The following DCC variants were observed in gnomAD, a reference collection of about 807,000 sequenced individuals.
DCC encodes the protein DCC netrin 1 receptor.
In DCC, 58 loss-of-function variants were observed where a neutral mutation model predicts 172.5. The observed-to-expected ratio is 0.34, with a 90% CI of 0.27 to 0.42. DCC has a LOEUF of 0.42. Ranked by LOEUF, DCC falls within the 10% of genes least tolerant of loss-of-function variation. The pLI is 1.00. For synonymous variants in DCC, 709 were observed against 644.5 expected, an observed-to-expected ratio of 1.10 and a Z score of -1.52; for missense variants, 1,740 against 1,791.0, an observed-to-expected ratio of 0.97 and a Z score of 0.51.
chr18:52,450,528 G>C lies in DCC; in HGVS notation c.91+109650G>C, dbSNP rs144828943. Among the ~76,000 whole-genome samples the C allele has an allele frequency of 8.7e-3, 1,317 of 152,170 alleles. 10 individuals are homozygous for C. The highest frequency in any genetic ancestry group is 0.011 in the Admixed American group (173 of 15,282). ...CCTGTTTTGAACAATAAATTAAGTG[G>C]TTATTCTAGCTTTAGGCTATTTGGG... On this transcript the variant is annotated intron_variant, in intron 1 of 28. Transcript: ENST00000442544.
chr18:52,447,360 C>A (rs1168289012), intron 1 of DCC, among the ~76,000 whole-genome samples: 1 of 152,174 alleles, frequency 6.6e-6, no homozygotes, highest in East Asian at 1.9e-4. Context: ...ACTGGGTATA[C>A]AATTTAAAGT....
At chr18:52,738,741 CTTTG>C (rs1312537091) in intron 1 of DCC, among the ~76,000 whole-genome samples, 1 of 149,864 alleles carries the variant, frequency 6.7e-6, no homozygotes, top group African/African-American at 2.4e-5. Context: ...TTCTTTCTTT[CTTTG>C]TTTTTTTTTT....
At chr18:53,465,090 G>A (rs2045604543) in intron 24 of DCC, among the ~76,000 whole-genome samples, 1 of 151,426 alleles carries the variant, frequency 6.6e-6, no homozygotes, top group African/African-American at 2.4e-5. Context: ...GTGTTTTAAT[G>A]TTTGCTTCTA....
chr18:52,537,023 G>T (rs1355213392), intron 1 of DCC, among the ~76,000 whole-genome samples: 1 of 152,138 alleles, frequency 6.6e-6, no homozygotes, highest in Non-Finnish European at 1.5e-5. Context: ...AGAGAGTGCA[G>T]GGAGCTAGTG....
chr18:52,781,025 A>G (rs1457202000), intron 2 of DCC, among the ~76,000 whole-genome samples: 3 of 152,180 alleles, frequency 2.0e-5, no homozygotes, highest in Admixed American at 6.5e-5. Context: ...TTATTTCATC[A>G]AAGTTTTTAT....
chr18:53,298,504 G>T (rs2057094972), intron 12 of DCC, among the ~76,000 whole-genome samples: 1 of 119,664 alleles, frequency 8.4e-6, no homozygotes, highest in Non-Finnish European at 1.6e-5. Context: ...CTCCAGCCTG[G>T]ATGACACAGA....
At chr18:53,313,504 C>T (rs2057308004) in intron 13 of DCC, among the ~76,000 whole-genome samples, 2 of 152,138 alleles carry the variant, frequency 1.3e-5, no homozygotes, top group African/African-American at 4.8e-5. Flanking sequence ...CCTCGGCCTC[C>T]CAAAGTGCTG....
chr18:52,669,239 C>T (rs1418299174), intron 1 of DCC, among the ~76,000 whole-genome samples: 1 of 152,184 alleles, frequency 6.6e-6, no homozygotes, highest in Admixed American at 6.5e-5. Context: ...CCAGCAGATC[C>T]ATCAAGTGCA....
At chr18:53,424,265 A>G (rs1275786108) in intron 21 of DCC, among the ~76,000 whole-genome samples, 1 of 152,202 alleles carries the variant, frequency 6.6e-6, no homozygotes, top group Non-Finnish European at 1.5e-5. Flanking sequence ...ATGGAAGCTG[A>G]TAAGTTTGTT....
Position 53,225,277 on chromosome 18 carries a change from G to A in DCC, c.1911+9680G>A, listed in dbSNP as rs563998309. Among the ~76,000 whole-genome samples, 61 of 152,296 alleles carry A rather than the reference G, an allele frequency of 4.0e-4. 2 individuals carry two copies. The South Asian group carries it at 0.012, about 31-fold the overall frequency. On this transcript the variant is annotated intron_variant, in intron 12 of 28. Coordinates refer to ENST00000442544, the MANE Select transcript of DCC (RefSeq NM_005215.4). ...CTGAAGTGGAGTGAAGAGATGGATAGTGCCTTTAGGAGGTGGTAGGCTTGA... is the reference window on the plus strand; with the variant it reads ...CTGAAGTGGAGTGAAGAGATGGATAATGCCTTTAGGAGGTGGTAGGCTTGA...
At chr18:52,380,694 G>A (rs1397404438) in intron 1 of DCC, among the ~76,000 whole-genome samples, 5 of 152,032 alleles carry the variant, frequency 3.3e-5, no homozygotes, top group Non-Finnish European at 5.9e-5. Context: ...ATAAAATGAG[G>A]ATGTTGAGTC....
At chr18:53,355,909 A>G (rs1158146869) in intron 15 of DCC, among the ~76,000 whole-genome samples, 1 of 152,044 alleles carries the variant, frequency 6.6e-6, no homozygotes, top group Non-Finnish European at 1.5e-5. Flanking sequence ...AGTTTTCATT[A>G]TGCTTCTTCT....
chr18:53,186,607 A>G (rs540954570), intron 9 of DCC, among the ~76,000 whole-genome samples: 1 of 152,350 alleles, frequency 6.6e-6, no homozygotes, highest in Non-Finnish European at 1.5e-5. Flanking sequence ...TCTTTAGAGC[A>G]TATTTTTCTA....
At position 53,531,242 on chromosome 18, in the gene DCC, AGTG is replaced by A. The variant is rs1231147633; in HGVS notation, c.*594_*596del. ...GTAACTCAGTCATTCATCTTGCACA[AGTG>A]GTGGATATTAGTGAGTGGCTAAAAA... On this transcript the variant is annotated 3_prime_UTR_variant, in exon 29 of 29. Coordinates refer to ENST00000442544, the MANE Select transcript of DCC (RefSeq NM_005215.4). 1 of 163,612 alleles carries A rather than the reference AGTG, an allele frequency of 6.1e-6. No individual in the cohort carries two copies. Among genetic ancestry groups the A allele is most frequent in the African/African-American group, 2.4e-5 (1 of 41,676 alleles). The allele number at this position is 163,612 out of a possible 1,614,324, so 10.1% of individuals were successfully genotyped here.
chr18:52,605,913 T>C (rs1598950590), intron 1 of DCC, among the ~76,000 whole-genome samples: 1 of 152,108 alleles, frequency 6.6e-6, no homozygotes, highest in Non-Finnish European at 1.5e-5. Context: ...AGGTGAGTAA[T>C]TGTCGTATCA....
At chr18:53,257,212 C>T (rs1405700285) in intron 12 of DCC, among the ~76,000 whole-genome samples, 2 of 152,154 alleles carry the variant, frequency 1.3e-5, no homozygotes, top group Non-Finnish European at 2.9e-5. Flanking sequence ...ATTTCCTTCT[C>T]CTGCCTGATT....
At chr18:53,008,793 TA>T (rs1223045594) in intron 5 of DCC, among the ~76,000 whole-genome samples, 1 of 151,998 alleles carries the variant, frequency 6.6e-6, no homozygotes, top group African/African-American at 2.4e-5. Flanking sequence ...AAAAAGGTAC[TA>T]ATTTTGATTT....
At chr18:52,369,240 GTTTT>G (rs561599819) in intron 1 of DCC, among the ~76,000 whole-genome samples, 1 of 150,028 alleles carries the variant, frequency 6.7e-6, no homozygotes, top group Non-Finnish European at 1.5e-5. Context: ...TTCTTTGTGG[GTTTT>G]TTTTCTTTGT....
In DCC at chr18:52,757,949, C is replaced by T. The variant is rs181395639; in HGVS notation, c.412+5575C>T. Among the ~76,000 whole-genome samples the T allele has an allele frequency of 4.6e-4, 70 of 152,154 alleles. No individual in the cohort carries two copies. The East Asian group carries it at 8.5e-3, about 19-fold the overall frequency. ...TCAATCTAAGGACTAGATTTCAGAA[C>T]GCTGTAAACAATTTCTTATGTAATC... On this transcript the variant is annotated intron_variant, in intron 2 of 28. Coordinates refer to ENST00000442544, the MANE Select transcript of DCC (RefSeq NM_005215.4).
Sources: allele counts gnomAD v4.1 joint callset (sites outside exome capture counted in the v4.1 genomes callset), GRCh38; gene constraint gnomAD v4.1.1; transcripts MANE v1.5; gene names NCBI Gene and HGNC (gene_info 2026-07-23, HGNC 2026-07-21).